AGPAT5: variants seen among roughly 807,000 people sequenced by gnomAD.
AGPAT5 encodes 1-acylglycerol-3-phosphate O-acyltransferase 5.
AGPAT5 carries 46 observed loss-of-function variants against 45.6 expected under a neutral mutation model. The observed-to-expected ratio is 1.01, with a 90% CI of 0.80 to 1.29. AGPAT5 has a LOEUF of 1.29. Ranked by LOEUF, AGPAT5 falls within the 50% of genes most tolerant of loss-of-function variation. The pLI, the probability that AGPAT5 is intolerant of heterozygous loss-of-function variation, is 0.00. For synonymous variants in AGPAT5, 272 were observed against 167.0 expected (o/e 1.63, Z -4.85); for missense variants, 673 against 450.7 (o/e 1.49, Z -4.47).
At chr8:6,730,015 C>CAT (rs1397807664) in intron 2 of AGPAT5, among the ~76,000 whole-genome samples, 1 of 152,030 alleles carries the variant, frequency 6.6e-6, no homozygotes, top group Admixed American at 6.5e-5. Context: ...TTTTGCTGAA[C>CAT]ATATATATAC....
intron 2 of AGPAT5, among the ~76,000 whole-genome samples, chr8:6,729,958 G>A (rs956663310): frequency 6.6e-6 from 1 of 152,080 alleles, no homozygotes; most frequent in Non-Finnish European, 1.5e-5. Context: ...TCCTAACCTA[G>A]TACCGAGTCC....
intron 4 of AGPAT5, among the ~76,000 whole-genome samples, chr8:6,735,924 G>T (rs1401493905): frequency 2.3e-5 from 3 of 131,602 alleles, no homozygotes; most frequent in African/African-American, 8.6e-5. Context: ...GCACGATCTT[G>T]GCTCACTGCA....
intron 5 of AGPAT5, among the ~76,000 whole-genome samples, 200 bp from the exon 6 acceptor site, chr8:6,747,470 A>G (rs927153370): frequency 4.6e-5 from 7 of 152,270 alleles, no homozygotes; most frequent in African/African-American, 1.7e-4. Context: ...TGATCAATAT[A>G]TAGCAAATGA....
chr8:6,744,876 T>G (rs1228647756), intron 5 of AGPAT5, among the ~76,000 whole-genome samples: 3 of 152,226 alleles, frequency 2.0e-5, no homozygotes, highest in Non-Finnish European at 4.4e-5. Context: ...TTGGCAACCC[T>G]GTTTGTTTTC....
At chr8:6,755,327 A>G (rs936810750) in intron 7 of AGPAT5, among the ~76,000 whole-genome samples, 153 bp downstream of exon 7, 7 of 152,242 alleles carry the variant, frequency 4.6e-5, no homozygotes, top group African/African-American at 1.7e-4. Context: ...TCGTGTTTTA[A>G]ACTTTACTTG....
intron 6 of AGPAT5, among the ~76,000 whole-genome samples, chr8:6,751,106 G>C (rs1801642684): frequency 6.6e-6 from 1 of 151,640 alleles, no homozygotes; most frequent in African/African-American, 2.4e-5. Flanking sequence ...TGGGTGTTCT[G>C]GTCTGGTTAT....
chr8:6,744,294 A>C (rs1327643715), intron 5 of AGPAT5, among the ~76,000 whole-genome samples: 2 of 152,236 alleles, frequency 1.3e-5, no homozygotes, highest in Non-Finnish European at 2.9e-5. Flanking sequence ...CCAACTTCTG[A>C]GAAAGCATAG....
intron 6 of AGPAT5, among the ~76,000 whole-genome samples, chr8:6,748,612 C>A (rs1231677168): frequency 6.6e-6 from 1 of 152,216 alleles, no homozygotes; most frequent in Admixed American, 6.5e-5. Flanking sequence ...TCACACGATT[C>A]TCCTGCCTCA....
chr8:6,751,984 G>A (rs1801672298), intron 6 of AGPAT5, among the ~76,000 whole-genome samples: 3 of 151,802 alleles, frequency 2.0e-5, no homozygotes, highest in South Asian at 2.1e-4. Context: ...CTAGACCAGC[G>A]TGACCAACAC....
intron 4 of AGPAT5, among the ~76,000 whole-genome samples, chr8:6,734,333 C>T (rs1800969287): frequency 6.6e-6 from 1 of 151,314 alleles, no homozygotes; most frequent in Non-Finnish European, 1.5e-5. Context: ...TTTCTGTTGA[C>T]CCACCTTTGA....
chr8:6,716,919 A>G (rs1424748525), intron 1 of AGPAT5, among the ~76,000 whole-genome samples: 4 of 152,226 alleles, frequency 2.6e-5, no homozygotes, highest in Admixed American at 6.5e-5. Context: ...GGAAATGTAT[A>G]TGAATCTCAC....
At chr8:6,731,485 GGTT>G (rs1241749534) in intron 3 of AGPAT5, among the ~76,000 whole-genome samples, 1 of 151,770 alleles carries the variant, frequency 6.6e-6, no homozygotes, top group Non-Finnish European at 1.5e-5. Flanking sequence ...CCATGTAAAT[GGTT>G]GTTATACTTT....
chr8:6,713,897 A>G (rs922786408), intron 1 of AGPAT5, among the ~76,000 whole-genome samples: 2 of 152,230 alleles, frequency 1.3e-5, no homozygotes, highest in Admixed American at 6.5e-5. Flanking sequence ...CTTTTTATCT[A>G]GAGAACATTT....
At chr8:6,754,004 A>G (rs960579817) in intron 6 of AGPAT5, among the ~76,000 whole-genome samples, 3 of 152,120 alleles carry the variant, frequency 2.0e-5, no homozygotes, top group Non-Finnish European at 1.5e-5. Flanking sequence ...AGAATTCATC[A>G]TTTCTCAGAA....
chr8:6,750,786 G>C (rs927570338), intron 6 of AGPAT5, among the ~76,000 whole-genome samples: 4 of 151,882 alleles, frequency 2.6e-5, no homozygotes, highest in African/African-American at 9.7e-5. Context: ...GGCTCAGTGG[G>C]TGAGATTCAA....
At chr8:6,737,904 C>CCTGCCA (rs1276417539) in intron 4 of AGPAT5, among the ~76,000 whole-genome samples, 1 of 152,154 alleles carries the variant, frequency 6.6e-6, no homozygotes, top group Non-Finnish European at 1.5e-5. Context: ...TAAGTTTTTT[C>CCTGCCA]CTGCCACTTC....
At chr8:6,713,990 T>C (rs1445731307) in intron 1 of AGPAT5, among the ~76,000 whole-genome samples, 1 of 152,262 alleles carries the variant, frequency 6.6e-6, no homozygotes, top group Non-Finnish European at 1.5e-5. Flanking sequence ...TTCTGAATCT[T>C]GCTGTAAAAG....
chr8:6,711,858 C>T (rs575965178), intron 1 of AGPAT5, among the ~76,000 whole-genome samples: 1 of 152,344 alleles, frequency 6.6e-6, no homozygotes, highest in South Asian at 2.1e-4. Flanking sequence ...ATCTCACTCT[C>T]CCTTTCTCTT....
At chr8:6,728,269 C>G (rs1800753407) in intron 2 of AGPAT5, among the ~76,000 whole-genome samples, 1 of 152,176 alleles carries the variant, frequency 6.6e-6, no homozygotes, top group Non-Finnish European at 1.5e-5. Context: ...TGCCAGAACA[C>G]AAAATATGAA....
Sources: allele counts gnomAD v4.1 joint callset (sites outside exome capture counted in the v4.1 genomes callset), GRCh38; gene constraint gnomAD v4.1.1; transcripts MANE v1.5; gene names NCBI Gene and HGNC (gene_info 2026-07-23, HGNC 2026-07-21).